CCSER1: variants seen among roughly 807,000 people sequenced by gnomAD.
CCSER1 encodes coiled-coil serine rich protein 1.
A neutral mutation model predicts 82.0 loss-of-function variants in CCSER1; 41 were observed. The ratio of observed to expected loss-of-function variants is 0.50; its 90% CI spans 0.39 to 0.65. The LOEUF (loss-of-function observed/expected upper bound fraction) is 0.65. Among genes scored for constraint, CCSER1 ranks in the 30% least tolerant of loss-of-function variants. The pLI is 0.00. For synonymous variants in CCSER1, 414 were observed against 383.9 expected (o/e 1.08, Z -0.92); for missense variants, 1,119 against 1,064.2 (o/e 1.05, Z -0.72).
At chr4:90,818,241 G>A (rs548215615) in intron 8 of CCSER1, among the ~76,000 whole-genome samples, 1 of 150,578 alleles carries the variant, frequency 6.6e-6, no homozygotes, top group Admixed American at 6.6e-5. Context: ...GACAGAATGG[G>A]TCTAGAAAAA....
At chr4:90,431,011 T>C (rs1758203997) in intron 4 of CCSER1, among the ~76,000 whole-genome samples, 1 of 152,034 alleles carries the variant, frequency 6.6e-6, no homozygotes, top group Non-Finnish European at 1.5e-5. Context: ...GGTAAATGGA[T>C]GGCCTGTTTT....
At chr4:91,575,399 A>G (rs1038712537) in intron 10 of CCSER1, among the ~76,000 whole-genome samples, 11 of 152,040 alleles carry the variant, frequency 7.2e-5, no homozygotes, top group African/African-American at 2.7e-4. Flanking sequence ...TCTGCACAAG[A>G]AAGGGAGCAA....
At chr4:91,207,436 T>A (rs1467834444) in intron 10 of CCSER1, among the ~76,000 whole-genome samples, 3 of 151,896 alleles carry the variant, frequency 2.0e-5, no homozygotes, top group Non-Finnish European at 4.4e-5. Flanking sequence ...TCTGTCCATG[T>A]GTTTTCGTTA....
At chr4:91,087,176 A>T in intron 10 of CCSER1, among the ~76,000 whole-genome samples, 1 of 152,110 alleles carries the variant, frequency 6.6e-6, no homozygotes, top group East Asian at 1.9e-4. Context: ...GAAAGTTTTC[A>T]TCCGAGCAGT....
chr4:91,526,315 A>G (rs533029755), intron 10 of CCSER1, among the ~76,000 whole-genome samples: 67 of 152,268 alleles, frequency 4.4e-4, no homozygotes, highest in Non-Finnish European at 8.8e-4. Context: ...TTTTAAATCT[A>G]CCTACAAGCT....
intron 10 of CCSER1, among the ~76,000 whole-genome samples, chr4:91,475,841 G>A (rs964179159): frequency 6.6e-6 from 1 of 151,658 alleles, no homozygotes; most frequent in Non-Finnish European, 1.5e-5. Context: ...TCTACTCACT[G>A]TATTCATGAG....
At chr4:91,336,426 G>T (rs76426674) in intron 10 of CCSER1, among the ~76,000 whole-genome samples, 92 of 152,146 alleles carry the variant, frequency 6.0e-4, no homozygotes, top group Admixed American at 4.5e-3. Flanking sequence ...TCACAAGAAG[G>T]TATAAGCCTA....
At chr4:90,312,668 A>G (rs533817755) in intron 2 of CCSER1, among the ~76,000 whole-genome samples, 195 bp from the exon 3 acceptor site, 1 of 152,188 alleles carries the variant, frequency 6.6e-6, no homozygotes, top group African/African-American at 2.4e-5. Flanking sequence ...GCAACAAAGG[A>G]TGACTCCAAA....
intron 10 of CCSER1, among the ~76,000 whole-genome samples, chr4:91,585,024 C>G (rs993916954): frequency 4.6e-5 from 7 of 151,508 alleles, no homozygotes; most frequent in Non-Finnish European, 7.4e-5. Context: ...CTTACCTCAT[C>G]ATAAACCTTT....
intron 3 of CCSER1, among the ~76,000 whole-genome samples, chr4:90,361,122 G>A (rs1036855860): frequency 1.3e-5 from 2 of 152,134 alleles, no homozygotes; most frequent in African/African-American, 4.8e-5. Flanking sequence ...CCTAAGAAAT[G>A]ACAATCTATA....
At chr4:91,153,933 T>C (rs532524599) in intron 10 of CCSER1, among the ~76,000 whole-genome samples, 2 of 152,076 alleles carry the variant, frequency 1.3e-5, no homozygotes, top group Non-Finnish European at 2.9e-5. Flanking sequence ...GGGAGGTGCC[T>C]CCCAGTTAGG....
At chr4:90,895,803 A>C (rs565152218) in intron 8 of CCSER1, among the ~76,000 whole-genome samples, 1 of 152,066 alleles carries the variant, frequency 6.6e-6, no homozygotes, top group Non-Finnish European at 1.5e-5. Flanking sequence ...AGAGTAGTAT[A>C]TCATACAAAT....
chr4:90,920,172 G>A (rs1415402850), intron 8 of CCSER1, among the ~76,000 whole-genome samples: 5 of 151,730 alleles, frequency 3.3e-5, no homozygotes, highest in South Asian at 4.1e-4. Flanking sequence ...ACACTTCCGC[G>A]GTTTGTCTTC....
chr4:90,947,363 A>G (rs1732379459), intron 9 of CCSER1, among the ~76,000 whole-genome samples: 1 of 152,162 alleles, frequency 6.6e-6, no homozygotes, highest in Non-Finnish European at 1.5e-5. Flanking sequence ...ATGTAATTAA[A>G]TTTTTTAACC....
intron 9 of CCSER1, among the ~76,000 whole-genome samples, chr4:91,047,292 A>T (rs1030100994): frequency 6.6e-6 from 1 of 152,170 alleles, no homozygotes; most frequent in Non-Finnish European, 1.5e-5. Flanking sequence ...TAACACATAC[A>T]TATATATTCA....
intron 10 of CCSER1, among the ~76,000 whole-genome samples, chr4:91,470,595 A>C (rs1337049629): frequency 6.6e-6 from 1 of 152,118 alleles, no homozygotes; most frequent in Non-Finnish European, 1.5e-5. Flanking sequence ...CACACCACCT[A>C]GCCAGCATAT....
At chr4:91,078,396 AG>A (rs1384558692) in intron 9 of CCSER1, among the ~76,000 whole-genome samples, 1 of 152,242 alleles carries the variant, frequency 6.6e-6, no homozygotes, top group Non-Finnish European at 1.5e-5. Context: ...ACAAACAGAA[AG>A]GACATCCACA....
chr4:90,248,195 A>AT (rs1273923319), intron 1 of CCSER1, among the ~76,000 whole-genome samples: 1 of 152,192 alleles, frequency 6.6e-6, no homozygotes. Flanking sequence ...ACAAGTACAT[A>AT]TAACACTGGC....
chr4:90,907,848 A>G (rs1432835504), intron 8 of CCSER1, among the ~76,000 whole-genome samples: 1 of 152,088 alleles, frequency 6.6e-6, no homozygotes, highest in African/African-American at 2.4e-5. Context: ...AAATTTATAT[A>G]TGATACAAAT....
Sources: gnomAD v4.1 joint callset for allele counts (sites outside exome capture counted in the v4.1 genomes callset) on GRCh38, gnomAD v4.1.1 for gene constraint, MANE v1.5 for transcripts, NCBI Gene and HGNC (gene_info 2026-07-23, HGNC 2026-07-21) for gene names.